Variants in SGCZ observed in about 807,000 individuals in gnomAD.
SGCZ encodes the protein zeta-sarcoglycan.
Under a neutral mutation model 41.3 loss-of-function variants are expected in SGCZ, and 40 were observed. The ratio of observed to expected loss-of-function variants is 0.97; its 90% CI spans 0.75 to 1.26. The LOEUF is 1.26. SGCZ is among the 50% of genes most tolerant of loss of function. The pLI is 0.00. For synonymous variants in SGCZ, 206 were observed against 137.5 expected (o/e 1.50, Z -3.49); for missense variants, 552 against 369.8 (o/e 1.49, Z -4.04).
intron 3 of SGCZ, among the ~76,000 whole-genome samples, chr8:14,287,095 G>A (rs2116933935): frequency 6.6e-6 from 1 of 151,592 alleles, no homozygotes; most frequent in South Asian, 2.1e-4. Context: ...ATAAGTAATT[G>A]TCACATAAGT....
At chr8:14,837,136 CT>C (rs1563304676) in intron 1 of SGCZ, among the ~76,000 whole-genome samples, 1 of 152,122 alleles carries the variant, frequency 6.6e-6, no homozygotes, top group East Asian at 1.9e-4. Context: ...TAAAACAGGC[CT>C]TCTCTGCAAT....
intron 7 of SGCZ, among the ~76,000 whole-genome samples, chr8:14,098,570 C>G (rs570655188): frequency 1.3e-5 from 2 of 152,260 alleles, no homozygotes; most frequent in Admixed American, 6.5e-5. Flanking sequence ...AAGGCATCCT[C>G]AAGCTCTGAA....
intron 1 of SGCZ, among the ~76,000 whole-genome samples, chr8:14,842,994 C>G (rs1301634666): frequency 6.6e-6 from 1 of 152,210 alleles, no homozygotes; most frequent in Non-Finnish European, 1.5e-5. Context: ...GAGCGGATCT[C>G]CTGAGGTCAA....
At chr8:14,209,010 G>C (rs1805708667) in intron 4 of SGCZ, among the ~76,000 whole-genome samples, 1 of 152,216 alleles carries the variant, frequency 6.6e-6, no homozygotes. Context: ...AATGCTGGTA[G>C]CTGTGCCAAT....
intron 2 of SGCZ, among the ~76,000 whole-genome samples, chr8:14,553,545 A>G (rs1450188332): frequency 6.6e-6 from 1 of 152,068 alleles, no homozygotes. Flanking sequence ...ATTTCCCTCC[A>G]TGAGCACATG....
At chr8:14,786,690 A>C (rs555553756) in intron 1 of SGCZ, among the ~76,000 whole-genome samples, 18 of 152,274 alleles carry the variant, frequency 1.2e-4, no homozygotes, top group Non-Finnish European at 1.2e-4. Context: ...TATGGAGTTT[A>C]ATTGGAGTTT....
intron 2 of SGCZ, among the ~76,000 whole-genome samples, chr8:14,398,864 G>A (rs1039103118): frequency 6.6e-6 from 1 of 152,132 alleles, no homozygotes; most frequent in Non-Finnish European, 1.5e-5. Context: ...GTGGGAGTGA[G>A]ACATGGCTGC....
At chr8:14,559,194 CTGTT>C (rs1195639116) in intron 1 of SGCZ, among the ~76,000 whole-genome samples, 7 of 152,032 alleles carry the variant, frequency 4.6e-5, no homozygotes, top group African/African-American at 1.7e-4. Context: ...CAAACTGTCA[CTGTT>C]TGCTGATGAT....
chr8:14,264,384 G>A (rs1048815889), intron 3 of SGCZ, among the ~76,000 whole-genome samples: 1 of 152,106 alleles, frequency 6.6e-6, no homozygotes, highest in African/African-American at 2.4e-5. Flanking sequence ...CTCTAGGCTG[G>A]TTACTGTGGA....
chr8:14,884,557 T>C (rs1804719456), intron 1 of SGCZ, among the ~76,000 whole-genome samples: 2 of 152,094 alleles, frequency 1.3e-5, no homozygotes. Flanking sequence ...TAAAGTTTCC[T>C]ACAAAGGAGA....
In SGCZ at chr8:14,862,535, GATATATATATATATATATAT is replaced by G. The variant is rs59769861; in HGVS notation, c.40-307629_40-307610del. ...TATGAAACAAAAATTGCATCTTTAA[GATATATATATATATATATAT>G]ATATATATATATATATATATATATA... On this transcript the variant is annotated intron_variant, in intron 1 of 7. Transcript: ENST00000382080. Among the ~76,000 whole-genome samples the G allele has an allele frequency of 4.1e-3, 252 of 61,578 alleles. 6 individuals are homozygous for G. Among genetic ancestry groups the G allele is most frequent in the East Asian group, 0.026 (46 of 1,786 alleles). 40.4% of individuals were successfully genotyped at this position (61,578 alleles called of 152,430 possible).
At chr8:14,421,142 G>C (rs1476587407) in intron 2 of SGCZ, among the ~76,000 whole-genome samples, 1 of 152,214 alleles carries the variant, frequency 6.6e-6, no homozygotes, top group East Asian at 1.9e-4. Flanking sequence ...AGAGGATTAT[G>C]TCAGAATGCC....
chr8:14,138,855 C>A (rs776720798), intron 5 of SGCZ, among the ~76,000 whole-genome samples: 1 of 152,172 alleles, frequency 6.6e-6, no homozygotes, highest in Non-Finnish European at 1.5e-5. Flanking sequence ...TAGACATCTA[C>A]AGAACTCTCC....
chr8:14,709,334 T>C (rs1476089746), intron 1 of SGCZ, among the ~76,000 whole-genome samples: 2 of 152,170 alleles, frequency 1.3e-5, no homozygotes, highest in Admixed American at 1.3e-4. Flanking sequence ...GAAAGCTACA[T>C]GCCCCACCTC....
In SGCZ at chr8:14,825,736, C is replaced by G. The variant is rs566524276; in HGVS notation, c.40-270810G>C. 1.6e-4 allele frequency among the ~76,000 whole-genome samples: 25 copies of G among 152,260 alleles called. 1 individual carries two copies. The highest frequency in any genetic ancestry group is 4.8e-4 in the African/African-American group (20 of 41,558). On this transcript the variant is annotated intron_variant, in intron 1 of 7. Coordinates refer to ENST00000382080, the MANE Select transcript of SGCZ (RefSeq NM_139167.4). ...CCTACCCTCCAGTGTCTGGTAACCA[C>G]TGTTCTACCGTCTATTCTATGAAAT...
intron 1 of SGCZ, among the ~76,000 whole-genome samples, chr8:14,558,953 C>A (rs183041419): frequency 1.3e-5 from 2 of 151,940 alleles, no homozygotes; most frequent in Admixed American, 1.3e-4. Flanking sequence ...AAACCCTCAA[C>A]AAAACTGGCA....
At chr8:14,803,015 G>A (rs1233561671) in intron 1 of SGCZ, among the ~76,000 whole-genome samples, 1 of 152,078 alleles carries the variant, frequency 6.6e-6, no homozygotes, top group Non-Finnish European at 1.5e-5. Flanking sequence ...TGCTCCCTTG[G>A]AACGTATTTT....
At chr8:14,944,346 A>C (rs752210916) in intron 1 of SGCZ, among the ~76,000 whole-genome samples, 4 of 152,206 alleles carry the variant, frequency 2.6e-5, no homozygotes, top group Non-Finnish European at 4.4e-5. Flanking sequence ...TTGAATAACC[A>C]GTGTCCTGAA....
chr8:14,462,506 C>T (rs1308945032), intron 2 of SGCZ, among the ~76,000 whole-genome samples: 3 of 151,774 alleles, frequency 2.0e-5, no homozygotes, highest in Admixed American at 2.0e-4. Context: ...ATGCCTCATT[C>T]GACCCAATTT....
Sources: gnomAD v4.1 joint callset for allele counts (sites outside exome capture counted in the v4.1 genomes callset) on GRCh38, gnomAD v4.1.1 for gene constraint, MANE v1.5 for transcripts, NCBI Gene and HGNC (gene_info 2026-07-23, HGNC 2026-07-21) for gene names.